Variants in ZBTB49 observed in about 807,000 individuals in gnomAD.
The protein encoded by ZBTB49 is zinc finger and BTB domain-containing protein 49.
A neutral mutation model predicts 57.5 loss-of-function variants in ZBTB49; 43 were observed. The observed-to-expected ratio is 0.75, with a 90% confidence interval of 0.59 to 0.97. ZBTB49 has a LOEUF of 0.97. ZBTB49 is among the 50% of genes least tolerant of loss of function. ZBTB49 has a pLI of 0.00. For synonymous variants in ZBTB49, 369 were observed against 362.1 expected (o/e 1.02, Z -0.22); for missense variants, 938 against 947.7 (o/e 0.99, Z 0.13).
At chr4:4,313,165 G>T in intron 5 of ZBTB49, 51 bp downstream of exon 5, 1 of 1,605,874 alleles carries the variant, frequency 6.2e-7, no homozygotes, top group South Asian at 1.1e-5. Flanking sequence ...TCTAGTCTCA[G>T]TGTCTTTGGT....
intron 1 of ZBTB49, among the ~76,000 whole-genome samples, chr4:4,295,676 G>C (rs1229632412): frequency 6.6e-6 from 1 of 152,146 alleles, no homozygotes; most frequent in Non-Finnish European, 1.5e-5. Flanking sequence ...CTTTCTTTCT[G>C]TACTCTCTTT....
chr4:4,292,308 C>G (rs2108863127), intron 1 of ZBTB49, among the ~76,000 whole-genome samples: 1 of 152,226 alleles, frequency 6.6e-6, no homozygotes, highest in Non-Finnish European at 1.5e-5. Flanking sequence ...AACTCTGGTA[C>G]AGTGCAACGA....
At chr4:4,315,557 C>T (rs1721155375) in intron 5 of ZBTB49, 79 bp from the exon 6 acceptor site, 1 of 1,407,694 alleles carries the variant, frequency 7.1e-7, no homozygotes, top group African/African-American at 1.4e-5. Flanking sequence ...CAGGTATCTC[C>T]TCCCTCAGAG....
At chr4:4,295,289 G>C (rs1023541454) in intron 1 of ZBTB49, among the ~76,000 whole-genome samples, 5 of 152,136 alleles carry the variant, frequency 3.3e-5, no homozygotes, top group African/African-American at 1.2e-4. Context: ...TGGCAGCAGG[G>C]GAGAGAGAAC....
At position 4,321,226 on chromosome 4, in the gene ZBTB49, T is replaced by C. The variant is rs756193075; in HGVS notation, c.2208T>C (p.Tyr736=). ...GCAGTCGAGCATCTTCCACCACTTATAGGAACTCAGAGGGTCAGTTTTTCT... is the reference window on the plus strand; with the variant it reads ...GCAGTCGAGCATCTTCCACCACTTACAGGAACTCAGAGGGTCAGTTTTTCT... ...PLGSRASSTT[Y]RNSEGQFFSS... Residue 736 remains tyrosine, a synonymous_variant, in exon 8 of 8, where the codon TAT becomes TAC. Coordinates refer to ENST00000337872, the MANE Select transcript of ZBTB49 (RefSeq NM_145291.4). 8.1e-6 allele frequency: 13 copies of C among 1,614,000 alleles called. No homozygotes were observed. Among genetic ancestry groups the C allele is most frequent in the African/African-American group, 1.3e-5 (1 of 74,906 alleles).
chr4:4,312,904 A>G, intron 4 of ZBTB49, 137 bp from the exon 5 acceptor site: 1 of 922,016 alleles, frequency 1.1e-6, no homozygotes, highest in South Asian at 1.7e-5. Context: ...GCTTCTTTTG[A>G]GTTGTGTGTA....
At chr4:4,306,267 C>T (rs1268399005) in intron 4 of ZBTB49, 83 bp downstream of exon 4, 2 of 1,190,916 alleles carry the variant, frequency 1.7e-6, no homozygotes, top group Non-Finnish European at 1.2e-6. Context: ...TACTTTTGTA[C>T]TTGTGAGAGA....
intron 1 of ZBTB49, among the ~76,000 whole-genome samples, chr4:4,291,096 A>G (rs2916433): frequency 0.23 from 35,259 of 152,194 alleles, 4,943 homozygotes; most frequent in Admixed American, 0.32. Flanking sequence ...TATATGGGTG[A>G]TAAGGTTTCA....
At chr4:4,293,917 C>T (rs76109972) in intron 1 of ZBTB49, among the ~76,000 whole-genome samples, 10,457 of 152,294 alleles carry the variant, frequency 0.069, 920 homozygotes, top group East Asian at 0.32. Context: ...CTGATTAAGG[C>T]AGAGCCTGTG....
chr4:4,301,507 T>A (rs1720471624), intron 2 of ZBTB49, among the ~76,000 whole-genome samples: 1 of 152,184 alleles, frequency 6.6e-6, no homozygotes, highest in Non-Finnish European at 1.5e-5. Flanking sequence ...GTGTATATGG[T>A]TTATGGCCTA....
Position 4,302,370 on chromosome 4 carries a change from A to C in ZBTB49, c.534A>C (p.Ser178=). The C allele has an allele frequency of 6.2e-7, 1 of 1,614,260 alleles. No homozygotes were observed. The highest frequency in any genetic ancestry group is 1.1e-5 in the South Asian group (1 of 91,090). Residue 178 remains serine (S), a synonymous_variant, in exon 3 of 8, where the codon TCA becomes TCC. Coordinates refer to ENST00000337872, the MANE Select transcript of ZBTB49 (RefSeq NM_145291.4). ...KTLDESHPHA[S]PSVNRHHSAG... Reference sequence around the variant, plus strand: ...TGGATGAATCGCATCCGCATGCTTCACCATCAGTTAATCGTCATCACTCCG... The same window carrying C: ...TGGATGAATCGCATCCGCATGCTTCCCCATCAGTTAATCGTCATCACTCCG...
Position 4,294,108 on chromosome 4 carries a change from A to G in ZBTB49, c.-20+3756A>G, listed in dbSNP as rs199942161. 1.7e-4 allele frequency among the ~76,000 whole-genome samples: 26 copies of G among 152,358 alleles called. No individual in the cohort carries two copies. In the East Asian group the frequency reaches 5.0e-3, roughly 29 times the overall value. On this transcript the variant is annotated intron_variant, in intron 1 of 7. Transcript: ENST00000337872. ...GGGCTTAGAATAGTGCCTGGCATCT[A>G]GGAAACATAAGTATTTGTCATAATC...
At chr4:4,309,821 T>C (rs1469413515) in intron 4 of ZBTB49, among the ~76,000 whole-genome samples, 1 of 152,244 alleles carries the variant, frequency 6.6e-6, no homozygotes, top group African/African-American at 2.4e-5. Context: ...GAGGTTATAT[T>C]TGCCACACCT....
At chr4:4,301,906 A>C in intron 2 of ZBTB49, 83 bp from the exon 3 acceptor site, 1 of 1,270,710 alleles carries the variant, frequency 7.9e-7, no homozygotes, top group Non-Finnish European at 1.0e-6. Context: ...AGTATTTTTT[A>C]ATATTAATAT....
chr4:4,315,163 A>C (rs1433783290), intron 5 of ZBTB49, among the ~76,000 whole-genome samples: 1 of 152,196 alleles, frequency 6.6e-6, no homozygotes, highest in African/African-American at 2.4e-5. Context: ...ACCTGGCTAG[A>C]CCAGGGCAGA....
At position 4,293,960 on chromosome 4, in the gene ZBTB49, C is replaced by T. The variant is rs553902884; in HGVS notation, c.-20+3608C>T. ...GAAGGAGACCTAGACTCCACTACCC[C>T]ATGGGAGAATCATCGGAGAATTTGT... On this transcript the variant is annotated intron_variant, in intron 1 of 7. Coordinates refer to ENST00000337872, the MANE Select transcript of ZBTB49 (RefSeq NM_145291.4). Among the ~76,000 whole-genome samples, 54 of 152,356 alleles carry T rather than the reference C, an allele frequency of 3.5e-4. No individual in the cohort carries two copies. In the South Asian group the frequency reaches 0.011, roughly 31 times the overall value.
intron 1 of ZBTB49, among the ~76,000 whole-genome samples, chr4:4,297,799 G>C (rs1375616152): frequency 6.6e-6 from 1 of 151,834 alleles, no homozygotes; most frequent in African/African-American, 2.4e-5. Context: ...AAAGAATGGT[G>C]GGAAAGTAGG....
chr4:4,313,275 G>A (rs1355459558), intron 5 of ZBTB49, among the ~76,000 whole-genome samples, 161 bp downstream of exon 5: 1 of 152,182 alleles, frequency 6.6e-6, no homozygotes, highest in East Asian at 1.9e-4. Context: ...GGCTTTGCAT[G>A]TGACACACGA....
chr4:4,310,729 C>G (rs993021612), intron 4 of ZBTB49, among the ~76,000 whole-genome samples: 1 of 151,138 alleles, frequency 6.6e-6, no homozygotes, highest in African/African-American at 2.4e-5. Flanking sequence ...CCATGTTAGC[C>G]AGGATGGTCT....
Sources: allele counts gnomAD v4.1 joint callset (sites outside exome capture counted in the v4.1 genomes callset), GRCh38; gene constraint gnomAD v4.1.1; transcripts MANE v1.5; gene names NCBI Gene and HGNC (gene_info 2026-07-23, HGNC 2026-07-21).